The following GPC6 variants were observed in gnomAD, a reference collection of about 807,000 sequenced individuals.
GPC6 encodes the protein glypican 6.
In GPC6, 14 loss-of-function variants were observed where a neutral mutation model predicts 55.2. The ratio of observed to expected loss-of-function variants is 0.25; its 90% confidence interval spans 0.17 to 0.40. GPC6 has a LOEUF of 0.40. Among genes scored for constraint, GPC6 ranks in the 10% least tolerant of loss-of-function variants. The pLI is 1.00. For synonymous variants in GPC6, 278 were observed against 259.6 expected (o/e 1.07, Z -0.68); for missense variants, 641 against 708.5 (o/e 0.90, Z 1.08).
chr13:93,286,918 C>T (rs1441625736), intron 1 of GPC6, among the ~76,000 whole-genome samples: 1 of 152,090 alleles, frequency 6.6e-6, no homozygotes, highest in Non-Finnish European at 1.5e-5. Context: ...TTTTTGAGTT[C>T]CCACATGACA....
At chr13:93,672,543 C>T (rs1035163760) in intron 2 of GPC6, among the ~76,000 whole-genome samples, 3 of 151,212 alleles carry the variant, frequency 2.0e-5, no homozygotes, top group Admixed American at 1.3e-4. Context: ...ATGTATAAGG[C>T]TTTCTGTGTT....
intron 3 of GPC6, among the ~76,000 whole-genome samples, chr13:93,978,417 A>G (rs1278581721): frequency 6.6e-6 from 1 of 152,196 alleles, no homozygotes; most frequent in East Asian, 1.9e-4. Context: ...GGACATATTA[A>G]GTGGATTTAT....
At chr13:93,534,803 A>G (rs1018068490) in intron 1 of GPC6, among the ~76,000 whole-genome samples, 1 of 152,182 alleles carries the variant, frequency 6.6e-6, no homozygotes, top group Non-Finnish European at 1.5e-5. Context: ...TCATTCTGCA[A>G]CTTCCTGGTA....
At chr13:93,590,179 T>C (rs890827925) in intron 2 of GPC6, among the ~76,000 whole-genome samples, 2 of 152,238 alleles carry the variant, frequency 1.3e-5, no homozygotes, top group African/African-American at 2.4e-5. Context: ...TTGTAATTTA[T>C]AGTAAAGAGA....
chr13:93,558,430 A>G (rs1052681744), intron 2 of GPC6, among the ~76,000 whole-genome samples: 3 of 152,230 alleles, frequency 2.0e-5, no homozygotes, highest in Admixed American at 1.3e-4. Context: ...ATTTCTTGAC[A>G]AGAAGACTAT....
At chr13:94,202,968 G>T (rs1376380029) in intron 4 of GPC6, among the ~76,000 whole-genome samples, 1 of 151,970 alleles carries the variant, frequency 6.6e-6, no homozygotes, top group African/African-American at 2.4e-5. Context: ...CAACACCTCT[G>T]GGCTGATAGC....
chr13:93,541,343 A>G (rs1351822462), intron 1 of GPC6, among the ~76,000 whole-genome samples: 9 of 138,100 alleles, frequency 6.5e-5, no homozygotes, highest in African/African-American at 2.4e-4. Context: ...ATGTCCCTAC[A>G]AAGGACATGA....
intron 3 of GPC6, among the ~76,000 whole-genome samples, chr13:93,939,536 G>C (rs544702568): frequency 6.6e-6 from 1 of 151,996 alleles, no homozygotes; most frequent in Non-Finnish European, 1.5e-5. Flanking sequence ...TCAAAGAAAG[G>C]CTTAGAGTTA....
intron 1 of GPC6, among the ~76,000 whole-genome samples, chr13:93,387,447 T>C (rs1210666976): frequency 6.6e-6 from 1 of 152,214 alleles, no homozygotes; most frequent in African/African-American, 2.4e-5. Flanking sequence ...GTTCCTGTGT[T>C]AGTTTGCTGA....
chr13:94,165,849 C>T (rs776902478), intron 4 of GPC6, among the ~76,000 whole-genome samples: 34 of 151,990 alleles, frequency 2.2e-4, no homozygotes, highest in Non-Finnish European at 3.8e-4. Context: ...CTTGCTTGAT[C>T]AAATCATCTT....
intron 3 of GPC6, among the ~76,000 whole-genome samples, chr13:93,891,675 A>G (rs1875689376): frequency 6.6e-6 from 1 of 152,070 alleles, no homozygotes; most frequent in Non-Finnish European, 1.5e-5. Flanking sequence ...CATTCTATAC[A>G]CACTATATAT....
chr13:93,359,044 C>T (rs1880954854), intron 1 of GPC6, among the ~76,000 whole-genome samples: 3 of 149,440 alleles, frequency 2.0e-5, no homozygotes, highest in South Asian at 2.1e-4. Flanking sequence ...TCACGGCTCA[C>T]TGCTGCTTCA....
At chr13:93,373,056 C>T (rs1874741173) in intron 1 of GPC6, among the ~76,000 whole-genome samples, 1 of 152,184 alleles carries the variant, frequency 6.6e-6, no homozygotes, top group African/African-American at 2.4e-5. Context: ...CTGGATGCAA[C>T]TCCACATCTC....
At chr13:93,808,361 A>T (rs1886598329) in intron 2 of GPC6, among the ~76,000 whole-genome samples, 1 of 152,230 alleles carries the variant, frequency 6.6e-6, no homozygotes, top group Non-Finnish European at 1.5e-5. Flanking sequence ...GTGCTAATTT[A>T]ACAGGTATAC....
At chr13:93,234,337 G>T (rs1388594156) in intron 1 of GPC6, among the ~76,000 whole-genome samples, 1 of 152,102 alleles carries the variant, frequency 6.6e-6, no homozygotes, top group African/African-American at 2.4e-5. Flanking sequence ...CCACCTGGGG[G>T]TCATGTCGTC....
chr13:93,347,674 TAATCCATG>T (rs1880477030), intron 1 of GPC6, among the ~76,000 whole-genome samples: 1 of 152,200 alleles, frequency 6.6e-6, no homozygotes, highest in Admixed American at 6.5e-5. Context: ...TGTAGAATTC[TAATCCATG>T]GCATTCTGCA....
chr13:93,646,644 T>C (rs1880186354), intron 2 of GPC6, among the ~76,000 whole-genome samples: 2 of 152,118 alleles, frequency 1.3e-5, no homozygotes, highest in Admixed American at 1.3e-4. Flanking sequence ...TTAAGTTCTT[T>C]TCTGTTTTCC....
rs200416847 is a variant in GPC6, at chr13:93,564,234, CT to C, written c.319+18820del. Among the ~76,000 whole-genome samples, 1,088 of 152,076 alleles carry C rather than the reference CT, an allele frequency of 7.2e-3. 17 individuals carry two copies. Among genetic ancestry groups the C allele is most frequent in the African/African-American group, 0.025 (1,026 of 41,474 alleles). On this transcript the variant is annotated intron_variant, in intron 2 of 8. Transcript: ENST00000377047. ...TAACCTTTATTTCATTAATATTTAACTTTTTTTCCTAATCCTAGTAAATATC... is the reference window on the plus strand; with the variant it reads ...TAACCTTTATTTCATTAATATTTAACTTTTTTCCTAATCCTAGTAAATATC...
upstream of GPC6, among the ~76,000 whole-genome samples, chr13:93,223,019 CTTTTT>C (rs3073915): frequency 2.0e-4 from 20 of 100,780 alleles, no homozygotes; most frequent in African/African-American, 3.0e-4. Context: ...AGGGAAAACA[CTTTTT>C]TTTTTTTTTT....
Sources: gnomAD v4.1 joint callset for allele counts (sites outside exome capture counted in the v4.1 genomes callset) on GRCh38, gnomAD v4.1.1 for gene constraint, MANE v1.5 for transcripts, NCBI Gene and HGNC (gene_info 2026-07-23, HGNC 2026-07-21) for gene names.